The following PCDHB12 variants were observed in gnomAD, a reference collection of about 807,000 sequenced individuals.
PCDHB12 encodes protocadherin beta 12, also known as protocadherin beta-12.
For synonymous variants in PCDHB12, 560 were observed against 445.2 expected (o/e 1.26, Z -3.24); for missense variants, 1,192 against 998.2 (o/e 1.19, Z -2.62).
In PCDHB12 at chr5:141,210,216, A is replaced by G. The variant is rs1554286849; in HGVS notation, c.1309A>G (p.Ile437Val). 1.9e-6 allele frequency: 3 copies of G among 1,614,198 alleles called. No homozygotes were observed. Among genetic ancestry groups the G allele is most frequent in the Admixed American group, 1.7e-5 (1 of 60,034 alleles). ...CCCCAGGCTAAAAACCGAGCACAACATAACCGTGCTGGTCTCCGACGTCAA... is the reference window on the plus strand; with the variant it reads ...CCCCAGGCTAAAAACCGAGCACAACGTAACCGTGCTGGTCTCCGACGTCAA... Reference protein sequence around the residue: ...GTPRLKTEHNITVLVSDVNDN... With the variant: ...GTPRLKTEHNVTVLVSDVNDN... The change falls in exon 1 of 1, where the codon ATA (isoleucine) becomes GTA (valine). Residue 437 changes from isoleucine (I) to valine (V), a missense_variant. Ile to Val is a conservative substitution (Grantham distance 29). Transcript: ENST00000239450.
In PCDHB12 at chr5:141,212,102, G is replaced by C. The variant is rs1754474138; in HGVS notation, c.*807G>C. The C allele has an allele frequency of 6.0e-6, 1 of 166,996 alleles. No homozygotes were observed. Among genetic ancestry groups the C allele is most frequent in the South Asian group, 2.1e-4 (1 of 4,828 alleles). The allele number at this position is 166,996 out of a possible 1,614,324, so 10.3% of individuals were successfully genotyped here. ...ATGCTCTGATCTGCCCAAATCTTAA[G>C]TAAAAAACAAAATTGAAAGAGCAAC... On this transcript the variant is annotated 3_prime_UTR_variant, in exon 1 of 1. Transcript: ENST00000239450.
At position 141,209,866 on chromosome 5, in the gene PCDHB12, A is replaced by G. The variant is rs1373152316; in HGVS notation, c.959A>G (p.Gln320Arg). Residue 320 changes from glutamine (Q) to arginine (R), a missense_variant, in exon 1 of 1, where the codon CAA becomes CGA. Physicochemically the swap from Gln to Arg is conservative, Grantham distance 43. Transcript: ENST00000239450. ...EAIESYSIII[Q>R]ATDGGGLFGK... ...ATTGAGTCATACTCAATAATCATTC[A>G]AGCCACAGATGGGGGAGGACTTTTT... is the stretch of plus-strand genomic sequence containing the variant. 4 of 1,614,126 alleles carry G rather than the reference A, an allele frequency of 2.5e-6. No homozygotes were observed. Among genetic ancestry groups the G allele is most frequent in the Admixed American group, 3.3e-5 (2 of 60,010 alleles).
In PCDHB12 at chr5:141,210,403, C is replaced by A. The variant is rs374224597; in HGVS notation, c.1496C>A (p.Pro499His). 3.7e-6 allele frequency: 6 copies of A among 1,612,952 alleles called. No individual in the cohort carries two copies. The African/African-American group carries it at 8.0e-5, about 22-fold the overall frequency. Residue 499 changes from proline to histidine, a missense_variant, in exon 1 of 1, where the codon CCC (proline) becomes CAC (histidine). Transcript: ENST00000239450. ...CTGCCGTCCCAGGACCCGCACCTGCCCCTCGCCTCCCTGGTCTCCATCAAC... is the reference window on the plus strand; with the variant it reads ...CTGCCGTCCCAGGACCCGCACCTGCACCTCGCCTCCCTGGTCTCCATCAAC... ...SLLPSQDPHL[P>H]LASLVSINAD...
At position 141,209,462 on chromosome 5, in the gene PCDHB12, T is replaced by C; in HGVS notation, c.555T>C (p.Asn185=). 1.2e-6 allele frequency: 2 copies of C among 1,614,168 alleles called. No individual in the cohort carries two copies. Among genetic ancestry groups the C allele is most frequent in the East Asian group, 2.2e-5 (1 of 44,876 alleles). Residue 185 remains asparagine, a synonymous_variant, in exon 1 of 1, where the codon AAT becomes AAC. Transcript: ENST00000239450. ...ATTTCCACGTTAAAATAAGAGTCAATCCAGACAATAGGAAATACCCTGAGT... is the reference window on the plus strand; with the variant it reads ...ATTTCCACGTTAAAATAAGAGTCAACCCAGACAATAGGAAATACCCTGAGT... ...NSHFHVKIRV[N]PDNRKYPELV...
Position 141,208,848 on chromosome 5 carries a change from A to G in PCDHB12, c.-60A>G, listed in dbSNP as rs1210116526. 2 of 1,449,394 alleles carry G rather than the reference A, an allele frequency of 1.4e-6. No homozygotes were observed. The highest frequency in any genetic ancestry group is 9.3e-7 in the Non-Finnish European group (1 of 1,079,184). 89.8% of individuals were successfully genotyped at this position (1,449,394 alleles called of 1,614,324 possible). ...ACAGATCAGAGGCACGTTTCCCACA[A>G]CTGCGAAGAGGCGCTGAGGCAATTC... On this transcript the variant is annotated 5_prime_UTR_variant, in exon 1 of 1. Transcript: ENST00000239450.
Position 141,210,583 on chromosome 5 carries a change from C to T in PCDHB12, c.1676C>T (p.Pro559Leu), listed in dbSNP as rs1186734035. 1.2e-6 allele frequency: 2 copies of T among 1,611,590 alleles called. No individual in the cohort carries two copies. Among genetic ancestry groups the T allele is most frequent in the Non-Finnish European group, 1.7e-6 (2 of 1,179,742 alleles). ...GTGCTGGACGCCAACGACAACTCGC[C>T]CTTCGTGCTGTACCCGCTGCAGAAC... is the stretch of plus-strand genomic sequence containing the variant. ...VLVLDANDNS[P>L]FVLYPLQNGS... The change falls in exon 1 of 1, where the codon CCC becomes CTC. Residue 559 changes from proline to leucine, a missense_variant. Transcript: ENST00000239450.
Position 141,208,883 on chromosome 5 carries a change from AT to A in PCDHB12, c.-21del. ...GGCGCTGAGGCAATTCTGCAAGAAG[AT>A]TTTGGGGTTTTGGAAAAGAAGCTAT... On this transcript the variant is annotated 5_prime_UTR_variant, in exon 1 of 1. Transcript: ENST00000239450. 1.3e-6 allele frequency: 2 copies of A among 1,512,100 alleles called. No homozygotes were observed. Among genetic ancestry groups the A allele is most frequent in the South Asian group, 2.8e-5 (2 of 72,512 alleles). The allele number at this position is 1,512,100 out of a possible 1,614,324, so 93.7% of individuals were successfully genotyped here.
chr5:141,211,442 A>G lies in PCDHB12; in HGVS notation c.*147A>G. 1 of 882,152 alleles carries G rather than the reference A, an allele frequency of 1.1e-6. No homozygotes were observed. Among genetic ancestry groups the G allele is most frequent in the Non-Finnish European group, 1.8e-6 (1 of 546,972 alleles). 54.6% of individuals were successfully genotyped at this position (882,152 alleles called of 1,614,324 possible). A position where few individuals can be genotyped will look rare whatever the true frequency, so the allele number is the denominator to read the frequency against. On this transcript the variant is annotated 3_prime_UTR_variant, in exon 1 of 1. Coordinates refer to ENST00000239450, the MANE Select transcript of PCDHB12 (RefSeq NM_018932.4). ...AATTTCTTTACATAGAAAAGGATAC[A>G]GATTTAGTACCAAGAACACTTCACA...
At position 141,211,370 on chromosome 5, in the gene PCDHB12, T is replaced by A; in HGVS notation, c.*75T>A. 2 of 1,399,138 alleles carry A rather than the reference T, an allele frequency of 1.4e-6. No homozygotes were observed. Among genetic ancestry groups the A allele is most frequent in the East Asian group, 2.4e-5 (1 of 42,164 alleles). The allele number at this position is 1,399,138 out of a possible 1,614,324, so 86.7% of individuals were successfully genotyped here. A position where few individuals can be genotyped will look rare whatever the true frequency, so the allele number is the denominator to read the frequency against. On this transcript the variant is annotated 3_prime_UTR_variant, in exon 1 of 1. Coordinates refer to ENST00000239450, the MANE Select transcript of PCDHB12 (RefSeq NM_018932.4). ...AACTTATCGTGAGGTGCCTGTAAAG[T>A]AGTATTTTTGATCACTTCAAATACA...
In PCDHB12 at chr5:141,212,347, G is replaced by T; in HGVS notation, c.*1052G>T. Reference sequence around the variant, plus strand: ...TTTTTCTTACCTATACTGCACTGCTGAATCAGGAAAATTTAAGAAAAAGAA... The same window carrying T: ...TTTTTCTTACCTATACTGCACTGCTTAATCAGGAAAATTTAAGAAAAAGAA... On this transcript the variant is annotated 3_prime_UTR_variant, in exon 1 of 1. Transcript: ENST00000239450. The T allele has an allele frequency of 6.4e-6, 1 of 155,124 alleles. No homozygotes were observed. The allele number at this position is 155,124 out of a possible 1,614,324, so 9.6% of individuals were successfully genotyped here.
At position 141,211,209 on chromosome 5, in the gene PCDHB12, A is replaced by T. The variant is rs1554287177; in HGVS notation, c.2302A>T (p.Lys768Ter). ...GSRSNKFKFL[K>*]PIIPNFLPQS... is the part of the protein sequence containing the mutation. Reference sequence around the variant, plus strand: ...CAGGTCAAATAAGTTCAAATTTCTGAAACCAATTATCCCCAACTTCCTACC... The same window carrying T: ...CAGGTCAAATAAGTTCAAATTTCTGTAACCAATTATCCCCAACTTCCTACC... The change falls in exon 1 of 1, where the codon AAA (lysine) becomes TAA (stop). Residue 768 changes from lysine (K) to a stop codon, truncating the protein, a stop_gained. Coordinates refer to ENST00000239450, the MANE Select transcript of PCDHB12 (RefSeq NM_018932.4). LOFTEE classifies it low-confidence loss of function (END_TRUNC). 1 of 1,614,068 alleles carries T rather than the reference A, an allele frequency of 6.2e-7. No individual in the cohort carries two copies. The highest frequency in any genetic ancestry group is 2.2e-5 in the East Asian group (1 of 44,874).
At position 141,210,790 on chromosome 5, in the gene PCDHB12, G is replaced by A. The variant is rs1399204701; in HGVS notation, c.1883G>A (p.Arg628Lys). ...CACAATGGCGAGGTGCGCACCGCCA[G>A]GCTGCTGAGCGAGCGCGACGCGGCC... ...WAHNGEVRTA[R>K]LLSERDAAKH... The change falls in exon 1 of 1, where the codon AGG (arginine) becomes AAG (lysine). Residue 628 changes from arginine to lysine, a missense_variant. Coordinates refer to ENST00000239450, the MANE Select transcript of PCDHB12 (RefSeq NM_018932.4). 2 of 1,600,194 alleles carry A rather than the reference G, an allele frequency of 1.2e-6. No homozygotes were observed. The highest frequency in any genetic ancestry group is 2.7e-5 in the African/African-American group (2 of 74,784).
In PCDHB12 at chr5:141,212,044, C is replaced by A. The variant is rs1172588107; in HGVS notation, c.*749C>A. 1 of 166,994 alleles carries A rather than the reference C, an allele frequency of 6.0e-6. No individual in the cohort carries two copies. The highest frequency in any genetic ancestry group is 1.5e-5 in the Non-Finnish European group (1 of 68,106). The allele number at this position is 166,994 out of a possible 1,614,324, so 10.3% of individuals were successfully genotyped here. ...ATTTTCTTATAAACCAGTAATCTTG[C>A]TTTTCTGGGTAAATTTTCAGCTATT... is the stretch of plus-strand genomic sequence containing the variant. On this transcript the variant is annotated 3_prime_UTR_variant, in exon 1 of 1. Coordinates refer to ENST00000239450, the MANE Select transcript of PCDHB12 (RefSeq NM_018932.4).
At position 141,209,686 on chromosome 5, in the gene PCDHB12, T is replaced by C. The variant is rs1461062188; in HGVS notation, c.779T>C (p.Leu260Pro). Reference sequence around the variant, plus strand: ...CTGGAGAATAGCATCCTTGGCTCCCTGGTTGTGACCGTCTCAGCCTGGGAT... The same window carrying C: ...CTGGAGAATAGCATCCTTGGCTCCCCGGTTGTGACCGTCTCAGCCTGGGAT... ...KILENSILGS[L>P]VVTVSAWDLD... The change falls in exon 1 of 1, where the codon CTG (leucine) becomes CCG (proline). Residue 260 changes from leucine to proline, a missense_variant. Leu to Pro is a moderately conservative substitution (Grantham distance 98). Coordinates refer to ENST00000239450, the MANE Select transcript of PCDHB12 (RefSeq NM_018932.4). 3 of 1,614,138 alleles carry C rather than the reference T, an allele frequency of 1.9e-6. No homozygotes were observed. The highest frequency in any genetic ancestry group is 2.5e-6 in the Non-Finnish European group (3 of 1,180,052).
Position 141,210,940 on chromosome 5 carries a change from C to T in PCDHB12, c.2033C>T (p.Pro678Leu), listed in dbSNP as rs782641715. The T allele has an allele frequency of 6.2e-6, 10 of 1,611,368 alleles. No homozygotes were observed. The highest frequency in any genetic ancestry group is 1.1e-5 in the South Asian group (1 of 91,034). ...QPYLPLPEAA[P>L]AQAQADSLTV... is the part of the protein sequence containing the mutation. ...TACCTGCCTCTCCCGGAGGCGGCCCCGGCCCAGGCCCAGGCCGACTCGCTC... is the reference window on the plus strand; with the variant it reads ...TACCTGCCTCTCCCGGAGGCGGCCCTGGCCCAGGCCCAGGCCGACTCGCTC... Residue 678 changes from proline to leucine, a missense_variant, in exon 1 of 1, where the codon CCG becomes CTG. Transcript: ENST00000239450.
rs1754462193 is a variant in PCDHB12, at chr5:141,211,515, T to C, written c.*220T>C. ...ATGGTTTATGTCAAACAATTATGCT[T>C]AATATAAAGTCTATTAAGTGGTAAG... On this transcript the variant is annotated 3_prime_UTR_variant, in exon 1 of 1. Transcript: ENST00000239450. 1 of 630,798 alleles carries C rather than the reference T, an allele frequency of 1.6e-6. No individual in the cohort carries two copies. The highest frequency in any genetic ancestry group is 3.0e-5 in the East Asian group (1 of 33,510). The allele number at this position is 630,798 out of a possible 1,614,324, so 39.1% of individuals were successfully genotyped here.
chr5:141,208,815 T>G lies in PCDHB12; in HGVS notation c.-93T>G. ...GTTAAAATCTTCAGGCTTCCGAGGA[T>G]TTGGTAGACAGATCAGAGGCACGTT... is the stretch of plus-strand genomic sequence containing the variant. On this transcript the variant is annotated 5_prime_UTR_variant, in exon 1 of 1. Coordinates refer to ENST00000239450, the MANE Select transcript of PCDHB12 (RefSeq NM_018932.4). 1.8e-6 allele frequency: 2 copies of G among 1,131,632 alleles called. No individual in the cohort carries two copies. Among genetic ancestry groups the G allele is most frequent in the South Asian group, 1.7e-5 (1 of 58,740 alleles). 70.1% of individuals were successfully genotyped at this position (1,131,632 alleles called of 1,614,324 possible).
chr5:141,209,122 AAG>A lies in PCDHB12; in HGVS notation c.218_219del (p.Glu73ValfsTer27). On this transcript the variant is annotated frameshift_variant, in exon 1 of 1. Coordinates refer to ENST00000239450, the MANE Select transcript of PCDHB12 (RefSeq NM_018932.4). LOFTEE classifies it low-confidence loss of function (END_TRUNC). ...GCTCGGGTGGTTTCTAATGATAACA[AAG>A]AGTGTTTGCAGCTGGACACAAACAC... 6.2e-7 allele frequency: 1 copy of A among 1,614,180 alleles called. No individual in the cohort carries two copies. Among genetic ancestry groups the A allele is most frequent in the Non-Finnish European group, 8.5e-7 (1 of 1,180,042 alleles).
In PCDHB12 at chr5:141,209,945, A is replaced by T; in HGVS notation, c.1038A>T (p.Glu346Asp). 1 of 1,614,214 alleles carries T rather than the reference A, an allele frequency of 6.2e-7. No homozygotes were observed. The highest frequency in any genetic ancestry group is 8.5e-7 in the Non-Finnish European group (1 of 1,180,038). ...TGGATGTAAACGACAACGCTCCTGA[A>T]ATCACTGTGTCATCAATTACCAGTC... ...QVMDVNDNAP[E>D]ITVSSITSPI... The change falls in exon 1 of 1, where the codon GAA becomes GAT. Residue 346 changes from glutamate (E) to aspartate (D), a missense_variant. By Grantham distance (45) the Glu-to-Asp change is conservative. Coordinates refer to ENST00000239450, the MANE Select transcript of PCDHB12 (RefSeq NM_018932.4).
Sources: allele counts gnomAD v4.1 joint callset, GRCh38; gene constraint gnomAD v4.1.1; transcripts MANE v1.5; gene names NCBI Gene and HGNC (gene_info 2026-07-23, HGNC 2026-07-21).